The following CSMD1 variants were observed in gnomAD, a reference collection of about 807,000 sequenced individuals.
The protein encoded by CSMD1 is CUB and Sushi multiple domains 1, also known as CUB and sushi domain-containing protein 1.
Under a neutral mutation model 417.5 loss-of-function variants are expected in CSMD1, and 213 were observed. That is an observed-to-expected ratio of 0.51 (90% CI 0.46 to 0.57). CSMD1 has a LOEUF of 0.57. Among genes scored for constraint, CSMD1 ranks in the 20% least tolerant of loss-of-function variants. The pLI is 0.00. For missense variants in CSMD1, 6,923 were observed against 4,529.7 expected (o/e 1.53, Z -15.17); for synonymous variants, 2,862 against 1,736.8 (o/e 1.65, Z -16.11).
intron 3 of CSMD1, among the ~76,000 whole-genome samples, chr8:4,273,513 G>A (rs545805944): frequency 1.2e-4 from 18 of 152,204 alleles, no homozygotes; most frequent in African/African-American, 4.1e-4. Context: ...TAGCAAATAA[G>A]AATAGAGGAC....
At chr8:3,489,275 G>C (rs774287117) in intron 11 of CSMD1, among the ~76,000 whole-genome samples, 16 of 152,152 alleles carry the variant, frequency 1.1e-4, no homozygotes, top group Non-Finnish European at 1.9e-4. Flanking sequence ...ATCCTGATTT[G>C]TTAATCCACA....
intron 1 of CSMD1, among the ~76,000 whole-genome samples, chr8:4,674,750 G>C (rs185181815): frequency 1.3e-5 from 2 of 152,250 alleles, no homozygotes; most frequent in African/African-American, 4.8e-5. Context: ...AGGTTTCCTG[G>C]CCTAGAGTAT....
chr8:4,499,059 G>A (rs1395105639), intron 2 of CSMD1, among the ~76,000 whole-genome samples: 6 of 152,076 alleles, frequency 3.9e-5, no homozygotes, highest in African/African-American at 1.4e-4. Context: ...TAAGAATACA[G>A]CACTGATGAA....
chr8:4,261,077 G>A (rs192119334), intron 3 of CSMD1, among the ~76,000 whole-genome samples: 1 of 152,030 alleles, frequency 6.6e-6, no homozygotes, highest in African/African-American at 2.4e-5. Flanking sequence ...ACCTTGTTTT[G>A]TGCTATATAT....
intron 49 of CSMD1, among the ~76,000 whole-genome samples, chr8:3,072,998 T>C (rs1813417309): frequency 6.6e-6 from 1 of 152,078 alleles, no homozygotes; most frequent in Non-Finnish European, 1.5e-5. Flanking sequence ...AAAAATAAAA[T>C]CATAAAATTA....
chr8:4,751,896 T>C (rs1420226300), intron 1 of CSMD1, among the ~76,000 whole-genome samples: 1 of 152,166 alleles, frequency 6.6e-6, no homozygotes, highest in East Asian at 1.9e-4. Context: ...ATCCACTTTC[T>C]CAGTAAAGTG....
intron 2 of CSMD1, among the ~76,000 whole-genome samples, chr8:4,599,954 T>C (rs180999071): frequency 2.5e-4 from 38 of 152,296 alleles, no homozygotes; most frequent in South Asian, 6.2e-4. Context: ...GACACGCATA[T>C]GCTCTGTCCA....
chr8:3,018,433 G>T lies in CSMD1; in HGVS notation c.8029+44C>A, dbSNP rs777439026. 5.1e-6 allele frequency: 8 copies of T among 1,576,606 alleles called. No individual in the cohort carries two copies. The African/African-American group carries it at 6.7e-5, about 13-fold the overall frequency. On this transcript the variant is annotated intron_variant, in intron 52 of 69. Transcript: ENST00000635120. ...TTACACAGCTGTAATCTATTTCTAA[G>T]GTTTATCTGCATTAAGTAAGTGCCA...
At chr8:3,378,341 T>G (rs959674232) in intron 18 of CSMD1, among the ~76,000 whole-genome samples, 7 of 152,174 alleles carry the variant, frequency 4.6e-5, no homozygotes. Context: ...CTGGTACCAT[T>G]CCTTCTGAAA....
intron 1 of CSMD1, among the ~76,000 whole-genome samples, chr8:4,828,190 T>A (rs1289878133): frequency 6.6e-6 from 1 of 152,200 alleles, no homozygotes. Flanking sequence ...TTAAGTGTTT[T>A]CAAAGCAGCA....
At chr8:4,155,210 G>C (rs1288761168) in intron 3 of CSMD1, among the ~76,000 whole-genome samples, 4 of 152,164 alleles carry the variant, frequency 2.6e-5, no homozygotes, top group Admixed American at 6.5e-5. Context: ...GTTTGTAACA[G>C]AGCCAGATGA....
intron 1 of CSMD1, among the ~76,000 whole-genome samples, chr8:4,991,504 A>C (rs1811459511): frequency 6.6e-6 from 1 of 152,194 alleles, no homozygotes; most frequent in Non-Finnish European, 1.5e-5. Context: ...CCCACGCATC[A>C]AAAACTCTGC....
At chr8:4,875,396 C>A (rs1473700586) in intron 1 of CSMD1, among the ~76,000 whole-genome samples, 2 of 151,964 alleles carry the variant, frequency 1.3e-5, no homozygotes, top group African/African-American at 2.4e-5. Context: ...TTTATTTCTC[C>A]AGAATAAATT....
chr8:3,766,614 C>A (rs188470507), intron 5 of CSMD1, among the ~76,000 whole-genome samples: 1 of 151,840 alleles, frequency 6.6e-6, no homozygotes, highest in African/African-American at 2.4e-5. Context: ...ACACAGAGAT[C>A]TCTATAATAA....
chr8:3,568,222 T>C (rs1212218720), intron 10 of CSMD1, among the ~76,000 whole-genome samples: 1 of 152,206 alleles, frequency 6.6e-6, no homozygotes, highest in Non-Finnish European at 1.5e-5. Flanking sequence ...TGTGGATGTT[T>C]GAGTATTTAT....
intron 26 of CSMD1, among the ~76,000 whole-genome samples, chr8:3,250,706 C>G (rs1283101595): frequency 6.6e-6 from 1 of 152,204 alleles, no homozygotes; most frequent in Non-Finnish European, 1.5e-5. Flanking sequence ...TTCTCCACAT[C>G]CTCTCCAGCA....
intron 5 of CSMD1, among the ~76,000 whole-genome samples, chr8:3,785,433 C>G (rs1225335886): frequency 6.6e-6 from 1 of 152,140 alleles, no homozygotes; most frequent in Non-Finnish European, 1.5e-5. Flanking sequence ...AGCTGGGACC[C>G]AGCAATGCCA....
intron 1 of CSMD1, among the ~76,000 whole-genome samples, chr8:4,896,906 C>T (rs961792252): frequency 2.6e-5 from 4 of 152,044 alleles, no homozygotes; most frequent in African/African-American, 9.7e-5. Context: ...ATCTTGGGCT[C>T]CTTTATTCTT....
chr8:3,721,116 C>T (rs923873880), intron 6 of CSMD1, among the ~76,000 whole-genome samples: 1 of 152,208 alleles, frequency 6.6e-6, no homozygotes, highest in Non-Finnish European at 1.5e-5. Context: ...AGCCACCATG[C>T]CCGGCCAGTT....
Sources: gnomAD v4.1 joint callset for allele counts (sites outside exome capture counted in the v4.1 genomes callset) on GRCh38, gnomAD v4.1.1 for gene constraint, MANE v1.5 for transcripts, NCBI Gene and HGNC (gene_info 2026-07-23, HGNC 2026-07-21) for gene names.